The following SLC16A7 variants were observed in gnomAD, a reference collection of about 807,000 sequenced individuals.
The protein encoded by SLC16A7 is solute carrier family 16 member 7, also known as monocarboxylate transporter 2.
SLC16A7 carries 33 observed loss-of-function variants against 34.9 expected under a neutral mutation model. That is an observed-to-expected ratio of 0.94 (90% confidence interval 0.72 to 1.26). SLC16A7 has a LOEUF of 1.26. Ranked by LOEUF, SLC16A7 falls within the 50% of genes most tolerant of loss-of-function variation. The pLI, the probability that SLC16A7 is intolerant of heterozygous loss-of-function variation, is 0.00. For synonymous variants in SLC16A7, 201 were observed against 206.6 expected, an observed-to-expected ratio of 0.97 and a Z score of 0.23; for missense variants, 573 against 578.1, an observed-to-expected ratio of 0.99 and a Z score of 0.09.
At position 59,774,888 on chromosome 12, in the gene SLC16A7, T is replaced by C; in HGVS notation, c.593T>C (p.Leu198Pro). ...ACVAGSLMRP[L>P]GPNQTTSKSK... ...GTGGCTGGTTCCCTCATGAGACCCC[T>C]TGGACCCAATCAAACCACTTCTAAG... Residue 198 changes from leucine (L) to proline (P), a missense_variant, in exon 5 of 6, where the codon CTT becomes CCT. Transcript: ENST00000547379. The C allele has an allele frequency of 6.2e-7, 1 of 1,613,938 alleles. No individual in the cohort carries two copies. Among genetic ancestry groups the C allele is most frequent in the Non-Finnish European group, 8.5e-7 (1 of 1,179,936 alleles).
At chr12:59,746,703 T>C (rs1353216997) in intron 3 of SLC16A7, among the ~76,000 whole-genome samples, 1 of 152,206 alleles carries the variant, frequency 6.6e-6, no homozygotes, top group Non-Finnish European at 1.5e-5. Flanking sequence ...TTTTATCTTT[T>C]CCTTCAAAGA....
chr12:59,668,486 T>TAGTCCCTTTATTTTTTGCC (rs1412616350), intron 2 of SLC16A7, among the ~76,000 whole-genome samples: 1 of 152,220 alleles, frequency 6.6e-6, no homozygotes, highest in African/African-American at 2.4e-5. Context: ...GTGGAGCCTG[T>TAGTCCCTTTATTTTTTGCC]AGTCCCTTTA....
intron 3 of SLC16A7, among the ~76,000 whole-genome samples, chr12:59,742,949 G>T (rs914616632): frequency 6.6e-6 from 1 of 152,140 alleles, no homozygotes; most frequent in African/African-American, 2.4e-5. Flanking sequence ...CCACCCACAA[G>T]AAATTGCATG....
chr12:59,720,746 A>T (rs760341650), intron 3 of SLC16A7, among the ~76,000 whole-genome samples: 2 of 151,894 alleles, frequency 1.3e-5, no homozygotes, highest in Non-Finnish European at 2.9e-5. Flanking sequence ...CTCCTCAATC[A>T]CCATGTCGTA....
At chr12:59,659,932 C>A (rs945516740) in intron 2 of SLC16A7, among the ~76,000 whole-genome samples, 1 of 152,014 alleles carries the variant, frequency 6.6e-6, no homozygotes, top group African/African-American at 2.4e-5. Context: ...AATACTAGGC[C>A]AGCATATAGT....
chr12:59,665,836 GTGT>G (rs1869152884), intron 2 of SLC16A7, among the ~76,000 whole-genome samples: 1 of 151,792 alleles, frequency 6.6e-6, no homozygotes, highest in East Asian at 1.9e-4. Flanking sequence ...GTGTGTGTGT[GTGT>G]GTGTCTATGT....
chr12:59,705,838 G>A (rs1354241221), intron 3 of SLC16A7, among the ~76,000 whole-genome samples: 1 of 151,968 alleles, frequency 6.6e-6, no homozygotes, highest in Non-Finnish European at 1.5e-5. Context: ...TCAGACTATA[G>A]TCATTTAAAG....
intron 4 of SLC16A7, among the ~76,000 whole-genome samples, chr12:59,773,570 CT>C (rs34811948): frequency 1.5e-3 from 223 of 145,522 alleles, no homozygotes; most frequent in South Asian, 1.7e-3. Context: ...AACCAATGTA[CT>C]TTTTTTTTTT....
chr12:59,706,401 T>C (rs1304502335), intron 3 of SLC16A7, among the ~76,000 whole-genome samples: 1 of 151,994 alleles, frequency 6.6e-6, no homozygotes, highest in African/African-American at 2.4e-5. Flanking sequence ...TGTGTTGGTG[T>C]TGGAATGTGT....
chr12:59,759,540 C>T (rs1411644022), intron 3 of SLC16A7, among the ~76,000 whole-genome samples: 2 of 151,828 alleles, frequency 1.3e-5, no homozygotes, highest in African/African-American at 2.4e-5. Flanking sequence ...CCCAATGTTT[C>T]TTTACAGATT....
chr12:59,721,866 AT>A lies in SLC16A7; in HGVS notation c.217+16852del, dbSNP rs573319498. ...TACTTATAAAATATTACACTTAAAT[AT>A]TTTCTTTTGATGCCATTAGCCACAT... On this transcript the variant is annotated intron_variant, in intron 3 of 5. Coordinates refer to ENST00000547379, the MANE Select transcript of SLC16A7 (RefSeq NM_001270623.2). Among the ~76,000 whole-genome samples, 17 of 151,670 alleles carry A rather than the reference AT, an allele frequency of 1.1e-4. No individual in the cohort carries two copies. The South Asian group carries it at 3.3e-3, about 30-fold the overall frequency.
At chr12:59,760,540 AAAG>A (rs1276747474) in intron 3 of SLC16A7, among the ~76,000 whole-genome samples, 4 of 152,144 alleles carry the variant, frequency 2.6e-5, no homozygotes, top group Non-Finnish European at 2.9e-5. Context: ...AATTCATAAA[AAAG>A]AACAATAATA....
rs990047550 is a variant in SLC16A7, at chr12:59,781,495, G to A, written c.*1816G>A. 4 of 152,584 alleles carry A rather than the reference G, an allele frequency of 2.6e-5. No homozygotes were observed. Among genetic ancestry groups the A allele is most frequent in the Non-Finnish European group, 5.9e-5 (4 of 68,000 alleles). The allele number at this position is 152,584 out of a possible 1,614,324, so 9.5% of individuals were successfully genotyped here. A position where few individuals can be genotyped will look rare whatever the true frequency, so the allele number is the denominator to read the frequency against. On this transcript the variant is annotated 3_prime_UTR_variant, in exon 6 of 6. Transcript: ENST00000547379. ...GCTTAAGCATGTGGCTCATATTTAG[G>A]AAGCTATATAAAATTCAGTTTTTCA... is the stretch of plus-strand genomic sequence containing the variant.
chr12:59,752,380 C>T (rs978098380), intron 3 of SLC16A7, among the ~76,000 whole-genome samples: 1 of 152,104 alleles, frequency 6.6e-6, no homozygotes, highest in Non-Finnish European at 1.5e-5. Flanking sequence ...GAATGTATAA[C>T]TAGAATAACC....
intron 2 of SLC16A7, among the ~76,000 whole-genome samples, chr12:59,679,090 G>A (rs1029398109): frequency 1.3e-5 from 2 of 152,134 alleles, no homozygotes; most frequent in Admixed American, 6.5e-5. Flanking sequence ...GGGCAGAGGG[G>A]CCTTCCTAGG....
intron 2 of SLC16A7, among the ~76,000 whole-genome samples, chr12:59,699,629 A>G (rs1872665916): frequency 6.6e-6 from 1 of 151,758 alleles, no homozygotes; most frequent in South Asian, 2.1e-4. Context: ...GACAGTCCAA[A>G]TCTCTATACA....
chr12:59,664,699 A>T (rs1045404315), intron 2 of SLC16A7: 1 of 152,178 alleles, frequency 6.6e-6, no homozygotes, highest in Non-Finnish European at 1.5e-5. Context: ...CCATGATATA[A>T]TTTAAGCCAA....
At chr12:59,734,024 C>G (rs754093005) in intron 3 of SLC16A7, 3 of 342,788 alleles carry the variant, frequency 8.8e-6, no homozygotes, top group Non-Finnish European at 1.7e-5. Context: ...GGAAAAAGCT[C>G]CATAAGTTCT....
rs1444580128 is a variant in SLC16A7 at position 59,596,538 on chromosome 12, C to G, written c.-130+302C>G. 1.3e-5 allele frequency among the ~76,000 whole-genome samples: 2 copies of G among 151,992 alleles called. No individual in the cohort carries two copies. The highest frequency in any genetic ancestry group is 2.9e-5 in the Non-Finnish European group (2 of 68,004). On this transcript the variant is annotated intron_variant, in intron 1 of 5. Transcript: ENST00000547379. This position sits in a 1 kb window ranked among gnomAD's most constrained non-coding sequence, Gnocchi z 5.0. ...CAAGGAGCGCCTCGCGTGCTTTCGG[C>G]CAGGAGGTGCTCACGCTCTCGGCTT...
Sources: allele counts gnomAD v4.1 joint callset (sites outside exome capture counted in the v4.1 genomes callset), GRCh38; gene constraint gnomAD v4.1.1; non-coding constraint Gnocchi (gnomAD v3.1); transcripts MANE v1.5; gene names NCBI Gene and HGNC (gene_info 2026-07-23, HGNC 2026-07-21).